Variants in VPS13B observed in about 807,000 individuals in gnomAD.
The protein encoded by VPS13B is intermembrane lipid transfer protein VPS13B.
Under a neutral mutation model 426.4 loss-of-function variants are expected in VPS13B, and 285 were observed. The observed-to-expected ratio is 0.67, with a 90% CI of 0.61 to 0.74. The LOEUF is 0.74. Ranked by LOEUF, VPS13B falls within the 30% of genes least tolerant of loss-of-function variation. The probability of loss-of-function intolerance (pLI) is 0.00; values close to 1 mark genes in which losing one functional copy is unlikely to be tolerated. For missense variants in VPS13B, 4,537 were observed against 4,782.6 expected (o/e 0.95, Z 1.51); for synonymous variants, 1,676 against 1,676.4 (o/e 1.00, Z 0.01).
rs7459427 is a variant in VPS13B at position 99,023,542 on chromosome 8, G to A, written c.147+9607G>A. On this transcript the variant is annotated intron_variant, in intron 2 of 61. Coordinates refer to ENST00000357162, the MANE Select transcript of VPS13B (RefSeq NM_152564.5). ...GTTGCTCAGGCTGGAGTGCAGTGGC[G>A]CAATCTTGGCTCACTGCAACCTCTG... 6.1e-3 allele frequency among the ~76,000 whole-genome samples: 925 copies of A among 150,700 alleles called. 13 individuals carry two copies. The highest frequency in any genetic ancestry group is 0.021 in the African/African-American group (840 of 40,974).
chr8:99,392,223 T>G (rs1203482289), intron 21 of VPS13B, among the ~76,000 whole-genome samples: 1 of 152,114 alleles, frequency 6.6e-6, no homozygotes, highest in African/African-American at 2.4e-5. Flanking sequence ...TTAATCATCT[T>G]TCCTCCCCTT....
At chr8:99,832,690 T>C in intron 52 of VPS13B, 38 bp downstream of exon 52, 1 of 1,606,938 alleles carries the variant, frequency 6.2e-7, no homozygotes, top group Non-Finnish European at 8.5e-7. Context: ...TCTTCTTTGC[T>C]TGTCAGTCTA....
intron 35 of VPS13B, among the ~76,000 whole-genome samples, chr8:99,664,141 G>A (rs1485799288): frequency 6.6e-6 from 1 of 151,410 alleles, no homozygotes; most frequent in Non-Finnish European, 1.5e-5. Context: ...TGAGTAGCTG[G>A]GACTACAGGC....
intron 54 of VPS13B, among the ~76,000 whole-genome samples, chr8:99,845,812 G>A (rs57945707): frequency 0.021 from 3,228 of 152,152 alleles, 117 homozygotes; most frequent in African/African-American, 0.075. Flanking sequence ...ATGTTTTCCC[G>A]ACTTCTCAAT....
chr8:99,016,655 G>A (rs368063995), intron 2 of VPS13B, among the ~76,000 whole-genome samples: 6 of 143,672 alleles, frequency 4.2e-5, no homozygotes, highest in South Asian at 2.2e-4. Context: ...GCAGTGGTGC[G>A]ATCTCGGCTC....
At chr8:99,255,529 T>A (rs1817701461) in intron 17 of VPS13B, among the ~76,000 whole-genome samples, 2 of 152,192 alleles carry the variant, frequency 1.3e-5, no homozygotes, top group Non-Finnish European at 2.9e-5. Context: ...CTGAAAATGC[T>A]CCAGCAGTGG....
chr8:99,642,168 G>A lies in VPS13B; in HGVS notation c.5578G>A (p.Ala1860Thr). 1.2e-6 allele frequency: 2 copies of A among 1,614,154 alleles called. No homozygotes were observed. The highest frequency in any genetic ancestry group is 1.7e-6 in the Non-Finnish European group (2 of 1,180,030). ...LNLPEVDSDVAKPNQACISTV... is the reference protein window; with the variant it reads ...LNLPEVDSDVTKPNQACISTV... Reference sequence around the variant, plus strand: ...TCTCCCAGAAGTTGATTCAGATGTTGCTAAGCCCAACCAGGCATGTATTTC... The same window carrying A: ...TCTCCCAGAAGTTGATTCAGATGTTACTAAGCCCAACCAGGCATGTATTTC... Residue 1860 changes from alanine to threonine, a missense_variant, in exon 34 of 62, where the codon GCT (alanine) becomes ACT (threonine). By Grantham distance (58) the Ala-to-Thr change is moderately conservative. Coordinates refer to ENST00000357162, the MANE Select transcript of VPS13B (RefSeq NM_152564.5).
At chr8:99,078,786 G>T (rs1221567363) in intron 3 of VPS13B, among the ~76,000 whole-genome samples, 2 of 152,058 alleles carry the variant, frequency 1.3e-5, no homozygotes, top group Non-Finnish European at 2.9e-5. Context: ...GGCCAGCAGT[G>T]GTGTTGGGCT....
intron 33 of VPS13B, among the ~76,000 whole-genome samples, chr8:99,640,004 T>TAAGAAGAAGAAGAAG (rs1474132808): frequency 2.6e-5 from 2 of 75,870 alleles, no homozygotes; most frequent in African/African-American, 1.1e-4. Context: ...ATAATAATAA[T>TAAGAAGAAGAAGAAG]AATAATAATA....
At chr8:99,740,341 G>A (rs370703517) in intron 39 of VPS13B, among the ~76,000 whole-genome samples, 18 of 152,142 alleles carry the variant, frequency 1.2e-4, no homozygotes, top group African/African-American at 3.9e-4. Context: ...CCAAATCTAC[G>A]TCTGACTGGT....
At chr8:99,794,461 T>G (rs986084395) in intron 43 of VPS13B, among the ~76,000 whole-genome samples, 2 of 152,214 alleles carry the variant, frequency 1.3e-5, no homozygotes. Context: ...ATTATTAAAT[T>G]CAATCAGATA....
chr8:99,124,128 T>C (rs1848075898), intron 8 of VPS13B, among the ~76,000 whole-genome samples: 1 of 152,146 alleles, frequency 6.6e-6, no homozygotes, highest in Non-Finnish European at 1.5e-5. Flanking sequence ...TGATCAATAT[T>C]GTAGGCAGAA....
intron 23 of VPS13B, among the ~76,000 whole-genome samples, chr8:99,462,086 CCCTT>C (rs1044962030): frequency 1.4e-4 from 21 of 150,604 alleles, no homozygotes; most frequent in East Asian, 1.4e-3. Context: ...TCCCCTCCCT[CCCTT>C]CCTTCCTTCC....
At chr8:99,659,627 C>T (rs942185871) in intron 34 of VPS13B, among the ~76,000 whole-genome samples, 3 of 152,176 alleles carry the variant, frequency 2.0e-5, no homozygotes, top group Non-Finnish European at 4.4e-5. Context: ...GATAACCATT[C>T]TCAGCGCCAT....
intron 34 of VPS13B, among the ~76,000 whole-genome samples, chr8:99,650,279 C>T (rs1279055570): frequency 6.6e-6 from 1 of 152,106 alleles, no homozygotes; most frequent in East Asian, 1.9e-4. Flanking sequence ...TCCCGTGTCA[C>T]CAATAAGCAC....
intron 33 of VPS13B, among the ~76,000 whole-genome samples, chr8:99,589,224 C>G (rs1259016131): frequency 4.6e-5 from 7 of 151,518 alleles, no homozygotes; most frequent in African/African-American, 7.3e-5. Flanking sequence ...TATTATTATA[C>G]TTTAAGTTTT....
rs909059563 is a variant in VPS13B at position 99,626,486 on chromosome 8, G to A, written c.5221-15325G>A. ...GGAAGTGCCTGCTAATGGGTATGGG[G>A]TTTCTTTGGAAGGGGTGATAAAATG... is the stretch of plus-strand genomic sequence containing the variant. On this transcript the variant is annotated intron_variant, in intron 33 of 61. Transcript: ENST00000357162. Among the ~76,000 whole-genome samples, 11 of 152,264 alleles carry A rather than the reference G, an allele frequency of 7.2e-5. No homozygotes were observed. In the South Asian group the frequency reaches 1.9e-3, roughly 26 times the overall value.
At chr8:99,789,714 A>G (rs1245963376) in intron 43 of VPS13B, among the ~76,000 whole-genome samples, 1 of 152,138 alleles carries the variant, frequency 6.6e-6, no homozygotes, top group African/African-American at 2.4e-5. Flanking sequence ...TATCTTATAG[A>G]TATTTTATGG....
chr8:99,377,290 A>G (rs1813540623), intron 19 of VPS13B, among the ~76,000 whole-genome samples: 1 of 152,058 alleles, frequency 6.6e-6, no homozygotes, highest in Non-Finnish European at 1.5e-5. Context: ...ATTCTCTATT[A>G]TCTCTCTCGA....
Sources: allele counts gnomAD v4.1 joint callset (sites outside exome capture counted in the v4.1 genomes callset), GRCh38; gene constraint gnomAD v4.1.1; transcripts MANE v1.5; gene names NCBI Gene and HGNC (gene_info 2026-07-23, HGNC 2026-07-21).